Variants in AKAP19 observed in about 807,000 individuals in gnomAD.
AKAP19 encodes A-kinase anchoring protein 19.
the AKAP19 span, among the ~76,000 whole-genome samples, chr2:189,968,911 G>GTATTTC: frequency 6.6e-6 from 1 of 151,690 alleles, no homozygotes; most frequent in East Asian, 1.9e-4. Context: ...ATTTCCTATA[G>GTATTTC]TATAATACAT....
chr2:190,107,591 G>A, the AKAP19 span, among the ~76,000 whole-genome samples: 1 of 152,172 alleles, frequency 6.6e-6, no homozygotes, highest in East Asian at 1.9e-4. Context: ...ATGATGTCCA[G>A]CCTCATCCTT....
the AKAP19 span, among the ~76,000 whole-genome samples, chr2:190,141,219 C>T: frequency 8.0e-4 from 122 of 152,158 alleles, 2 homozygotes; most frequent in Non-Finnish European, 1.4e-3. Context: ...CTGGGAAGCT[C>T]CAAACTTTTC....
At chr2:190,200,888 GCAATC>G in the AKAP19 span, 2 of 166,996 alleles carry the variant, frequency 1.2e-5, no homozygotes, top group Non-Finnish European at 2.9e-5. Context: ...TTTACAAAGA[GCAATC>G]CAATAAATCT....
chr2:190,032,277 T>A, the AKAP19 span, among the ~76,000 whole-genome samples: 1 of 152,134 alleles, frequency 6.6e-6, no homozygotes, highest in South Asian at 2.1e-4. Flanking sequence ...AAAGAACATA[T>A]AAATCATGCC....
chr2:190,052,824 A>C, the AKAP19 span, among the ~76,000 whole-genome samples: 1 of 152,236 alleles, frequency 6.6e-6, no homozygotes, highest in Admixed American at 6.5e-5. Flanking sequence ...AGTCAAATAT[A>C]GCTGTTAGCC....
chr2:189,996,048 T>G, the AKAP19 span, among the ~76,000 whole-genome samples: 3 of 152,230 alleles, frequency 2.0e-5, no homozygotes, highest in Admixed American at 6.5e-5. Context: ...CGTCTTGACT[T>G]TAGATAACCT....
chr2:190,182,745 T>C, the AKAP19 span, among the ~76,000 whole-genome samples: 3 of 152,224 alleles, frequency 2.0e-5, no homozygotes, highest in Non-Finnish European at 4.4e-5. Context: ...TTGGCATTTG[T>C]AGTAAATACT....
the AKAP19 span, among the ~76,000 whole-genome samples, chr2:189,914,804 T>A: frequency 6.6e-6 from 1 of 152,058 alleles, no homozygotes; most frequent in Non-Finnish European, 1.5e-5. Flanking sequence ...CCTGCCCCAT[T>A]TTATAGATGA....
the AKAP19 span, among the ~76,000 whole-genome samples, chr2:189,912,365 A>C: frequency 6.6e-6 from 1 of 151,980 alleles, no homozygotes; most frequent in Admixed American, 6.6e-5. Flanking sequence ...ACATGACGAA[A>C]CCCTTTCTCT....
At chr2:190,137,674 T>C in the AKAP19 span, 1 of 152,200 alleles carries the variant, frequency 6.6e-6, no homozygotes. Flanking sequence ...GGGTGGCATG[T>C]GTGTTATAAT....
the AKAP19 span, among the ~76,000 whole-genome samples, chr2:190,068,466 A>G: frequency 2.0e-5 from 3 of 152,090 alleles, no homozygotes; most frequent in Non-Finnish European, 4.4e-5. Flanking sequence ...AGTAGCTGGG[A>G]TTACAGGTGT....
the AKAP19 span, among the ~76,000 whole-genome samples, chr2:189,982,655 G>T: frequency 8.7e-6 from 1 of 115,160 alleles, no homozygotes; most frequent in African/African-American, 3.4e-5. Flanking sequence ...TGTTTGGATG[G>T]AACCTTAACT....
chr2:190,185,868 C>G, the AKAP19 span, among the ~76,000 whole-genome samples: 1 of 152,296 alleles, frequency 6.6e-6, no homozygotes, highest in Admixed American at 6.5e-5. Flanking sequence ...CTTTAGGAGA[C>G]AATCTGGAGA....
the AKAP19 span, chr2:190,199,962 TCTAC>T: frequency 6.2e-7 from 1 of 1,614,120 alleles, no homozygotes. Context: ...AAGAGAGATG[TCTAC>T]CTAGGATGGC....
At chr2:190,146,330 G>T in the AKAP19 span, among the ~76,000 whole-genome samples, 1 of 152,192 alleles carries the variant, frequency 6.6e-6, no homozygotes, top group African/African-American at 2.4e-5. Flanking sequence ...TCCTTTTCAT[G>T]ACTGCATAGT....
the AKAP19 span, among the ~76,000 whole-genome samples, chr2:189,957,627 A>G: frequency 1.3e-5 from 2 of 152,186 alleles, no homozygotes. Context: ...AGAAACCACT[A>G]TGACAGTTTC....
the AKAP19 span, among the ~76,000 whole-genome samples, chr2:189,942,104 T>G: frequency 6.6e-6 from 1 of 152,236 alleles, no homozygotes; most frequent in African/African-American, 2.4e-5. Context: ...GATATAGTTT[T>G]GACTCTGCCC....
chr2:190,027,393 G>A, the AKAP19 span, among the ~76,000 whole-genome samples: 1 of 152,204 alleles, frequency 6.6e-6, no homozygotes. Context: ...CATAGATGGA[G>A]GAGTATGTGT....
chr2:189,934,031 T>C, the AKAP19 span, among the ~76,000 whole-genome samples: 1 of 152,138 alleles, frequency 6.6e-6, no homozygotes, highest in Non-Finnish European at 1.5e-5. Flanking sequence ...TAATGCAATT[T>C]TTCTAAGTCA....
Sources: allele counts gnomAD v4.1 joint callset (sites outside exome capture counted in the v4.1 genomes callset), GRCh38; gene constraint gnomAD v4.1.1; transcripts MANE v1.5; gene names NCBI Gene and HGNC (gene_info 2026-07-23, HGNC 2026-07-21).